Variants in XIRP2 observed in about 807,000 individuals in gnomAD.
XIRP2 encodes the protein xin actin binding repeat containing 2.
A neutral mutation model predicts 277.0 loss-of-function variants in XIRP2; 236 were observed. The ratio of observed to expected loss-of-function variants is 0.85; its 90% CI spans 0.77 to 0.95. The LOEUF is 0.95. Among genes scored for constraint, XIRP2 ranks in the 40% least tolerant of loss-of-function variants. The pLI, the probability that XIRP2 is intolerant of heterozygous loss-of-function variation, is 0.00. For synonymous variants in XIRP2, 1,490 were observed against 1,416.5 expected (o/e 1.05, Z -1.17); for missense variants, 4,640 against 4,157.5 (o/e 1.12, Z -3.19).
chr2:166,982,641 C>T (rs1431919269), intron 2 of XIRP2, among the ~76,000 whole-genome samples: 1 of 152,036 alleles, frequency 6.6e-6, no homozygotes, highest in African/African-American at 2.4e-5. Flanking sequence ...CTTGAGTTTA[C>T]TTCTAATTTA....
intron 2 of XIRP2, among the ~76,000 whole-genome samples, chr2:167,026,224 T>A (rs931121666): frequency 6.6e-6 from 1 of 152,186 alleles, no homozygotes; most frequent in Admixed American, 6.6e-5. Flanking sequence ...CTTCTTTGTC[T>A]CTTTTGAGCT....
At chr2:167,085,297 G>T (rs1326914972) in intron 2 of XIRP2, among the ~76,000 whole-genome samples, 1 of 151,714 alleles carries the variant, frequency 6.6e-6, no homozygotes, top group Non-Finnish European at 1.5e-5. Context: ...ATTGCACTGT[G>T]GTCTGAGAGA....
Position 167,242,898 on chromosome 2 carries a change from T to C in XIRP2, c.1506T>C (p.Tyr502=). 6.2e-7 allele frequency: 1 copy of C among 1,614,072 alleles called. No homozygotes were observed. ...ATTTGTATGAATTAAACCGTTTATA[T>C]AAACACATCCATCCTGAGTTAAGAA... ...QRNLYELNRL[Y]KHIHPELRKN... Residue 502 remains tyrosine (Y), a synonymous_variant, in exon 9 of 11, where the codon TAT becomes TAC. Coordinates refer to ENST00000409195, the MANE Select transcript of XIRP2 (RefSeq NM_152381.6).
At chr2:167,058,173 C>T (rs1285874662) in intron 2 of XIRP2, among the ~76,000 whole-genome samples, 1 of 151,866 alleles carries the variant, frequency 6.6e-6, no homozygotes, top group South Asian at 2.1e-4. Flanking sequence ...AGTGATCCTC[C>T]CATCTCTGCC....
At chr2:167,158,965 T>G (rs1559001200) in intron 3 of XIRP2, among the ~76,000 whole-genome samples, 1 of 151,964 alleles carries the variant, frequency 6.6e-6, no homozygotes, top group African/African-American at 2.4e-5. Context: ...ACACTACCTC[T>G]GGGGGGTAGG....
At chr2:167,061,174 A>G (rs149335565) in intron 2 of XIRP2, among the ~76,000 whole-genome samples, 17 of 152,324 alleles carry the variant, frequency 1.1e-4, no homozygotes, top group African/African-American at 4.1e-4. Flanking sequence ...ATACAAAAAT[A>G]CAATTGACTT....
intron 2 of XIRP2, among the ~76,000 whole-genome samples, chr2:166,985,441 T>G (rs1180587489): frequency 2.0e-5 from 3 of 148,354 alleles, no homozygotes; most frequent in African/African-American, 7.4e-5. Flanking sequence ...TTTTCTTTCT[T>G]TTTTTTTTTT....
intron 2 of XIRP2, among the ~76,000 whole-genome samples, chr2:166,982,990 G>A (rs905008342): frequency 6.6e-6 from 1 of 152,106 alleles, no homozygotes; most frequent in African/African-American, 2.4e-5. Context: ...ACTAGTGCTG[G>A]CTGTTTGAGT....
At chr2:167,038,510 C>G (rs923010025) in intron 2 of XIRP2, among the ~76,000 whole-genome samples, 1 of 150,552 alleles carries the variant, frequency 6.6e-6, no homozygotes, top group Non-Finnish European at 1.5e-5. Context: ...ACTCTTGACC[C>G]AGAAATTCTA....
chr2:167,009,214 T>TC (rs964960454), intron 2 of XIRP2, among the ~76,000 whole-genome samples: 1 of 69,766 alleles, frequency 1.4e-5, no homozygotes, highest in Non-Finnish European at 2.6e-5. Context: ...CCCTCCCCCC[T>TC]CCCCCCACCC....
intron 2 of XIRP2, among the ~76,000 whole-genome samples, chr2:167,039,732 TA>T (rs1004770871): frequency 3.3e-5 from 5 of 152,162 alleles, no homozygotes; most frequent in African/African-American, 9.7e-5. Context: ...CCTCTGTTGG[TA>T]AAAAAGGAAA....
chr2:166,925,213 CA>C (rs1448272536), intron 2 of XIRP2, among the ~76,000 whole-genome samples: 2 of 152,036 alleles, frequency 1.3e-5, no homozygotes, highest in African/African-American at 4.8e-5. Context: ...TAATATTAGT[CA>C]TTTAGCTCTT....
intron 2 of XIRP2, among the ~76,000 whole-genome samples, chr2:167,118,840 C>T (rs1029571629): frequency 1.3e-5 from 2 of 152,016 alleles, no homozygotes; most frequent in African/African-American, 2.4e-5. Flanking sequence ...TGAAATAACC[C>T]ACAAATTATG....
intron 2 of XIRP2, among the ~76,000 whole-genome samples, chr2:167,015,046 T>C (rs922575887): frequency 6.6e-6 from 1 of 151,810 alleles, no homozygotes; most frequent in African/African-American, 2.4e-5. Context: ...TCAAGAACAA[T>C]ATGCCTGGCT....
chr2:167,049,785 C>T (rs6742021), intron 2 of XIRP2, among the ~76,000 whole-genome samples: 5,269 of 151,932 alleles, frequency 0.035, 178 homozygotes, highest in African/African-American at 0.084. Context: ...GAGAGAACTG[C>T]AATGAGAAAA....
At chr2:167,178,926 A>T (rs1407795765) in intron 3 of XIRP2, among the ~76,000 whole-genome samples, 1 of 152,194 alleles carries the variant, frequency 6.6e-6, no homozygotes, top group Admixed American at 6.5e-5. Context: ...CAGTGAAAGA[A>T]TGTATGACTG....
At chr2:167,121,637 A>C (rs1691059960) in intron 2 of XIRP2, among the ~76,000 whole-genome samples, 1 of 152,174 alleles carries the variant, frequency 6.6e-6, no homozygotes, top group Non-Finnish European at 1.5e-5. Flanking sequence ...CAACTAATAA[A>C]GATAATCCTA....
At chr2:166,894,360 G>A (rs962260812) in intron 1 of XIRP2, among the ~76,000 whole-genome samples, 1 of 152,056 alleles carries the variant, frequency 6.6e-6, no homozygotes, top group Non-Finnish European at 1.5e-5. Flanking sequence ...TAAACTCTTT[G>A]GAATCCTAAC....
At chr2:166,980,660 C>T (rs1686840533) in intron 2 of XIRP2, among the ~76,000 whole-genome samples, 1 of 152,120 alleles carries the variant, frequency 6.6e-6, no homozygotes, top group South Asian at 2.1e-4. Flanking sequence ...TCAGGTTATC[C>T]ACCCACCTCA....
Sources: gnomAD v4.1 joint callset for allele counts (sites outside exome capture counted in the v4.1 genomes callset) on GRCh38, gnomAD v4.1.1 for gene constraint, MANE v1.5 for transcripts, NCBI Gene and HGNC (gene_info 2026-07-23, HGNC 2026-07-21) for gene names.